CDK5RAP2: variants seen among roughly 807,000 people sequenced by gnomAD.
The protein encoded by CDK5RAP2 is CDK5 regulatory subunit-associated protein 2.
In CDK5RAP2, 147 loss-of-function variants were observed where a neutral mutation model predicts 232.9. The observed-to-expected ratio is 0.63, with a 90% confidence interval of 0.55 to 0.72. The LOEUF is 0.72. Ranked by LOEUF, CDK5RAP2 falls within the 30% of genes least tolerant of loss-of-function variation. CDK5RAP2 has a pLI of 0.00. For missense variants in CDK5RAP2, 2,195 were observed against 2,231.5 expected (o/e 0.98, Z 0.33); for synonymous variants, 833 against 833.7 (o/e 1.00, Z 0.01).
rs770723724 is a variant in CDK5RAP2 at position 120,389,226 on chromosome 9, A to T, written c.*10T>A. ...GGGGAAGCACAAGCTTTATTGGCTG[A>T]AAGTTCTTCTCAGGAGCCTGGTCTG... On this transcript the variant is annotated 3_prime_UTR_variant, in exon 38 of 38. Transcript: ENST00000349780. 6.2e-7 allele frequency: 1 copy of T among 1,610,938 alleles called. No individual in the cohort carries two copies. The highest frequency in any genetic ancestry group is 2.2e-5 in the East Asian group (1 of 44,860).
intron 15 of CDK5RAP2, among the ~76,000 whole-genome samples, chr9:120,473,521 C>T (rs761850102): frequency 5.9e-5 from 9 of 152,324 alleles, no homozygotes; most frequent in African/African-American, 1.2e-4. Context: ...GGACTGCACA[C>T]ATAAATCAAC....
intron 11 of CDK5RAP2, among the ~76,000 whole-genome samples, chr9:120,520,771 C>CAT (rs1244883462): frequency 2.5e-5 from 3 of 119,896 alleles, no homozygotes; most frequent in Non-Finnish European, 5.3e-5. Flanking sequence ...AGATATATCT[C>CAT]AGATATCTCA....
Position 120,527,851 on chromosome 9 carries a change from T to C in CDK5RAP2, c.954A>G (p.Lys318=). Residue 318 remains lysine (K), a synonymous_variant, in exon 10 of 38, where the codon AAA becomes AAG. Transcript: ENST00000349780. ...ATGCCATGGTTAAACCCTGAATGGC[T>C]TTATCCCTCTTTAGACTATTTTTCT... ...TEKKNSLKRD[K]AIQGLTMALK... is the part of the protein sequence containing the mutation. 6.2e-7 allele frequency: 1 copy of C among 1,613,820 alleles called. No individual in the cohort carries two copies.
chr9:120,419,772 A>C lies in CDK5RAP2; in HGVS notation c.4177+16T>G, dbSNP rs374205703. The C allele has an allele frequency of 1.4e-4, 227 of 1,602,396 alleles. 4 individuals are homozygous for C. The highest frequency in any genetic ancestry group is 1.3e-3 in the East Asian group (59 of 44,834). On this transcript the variant is annotated intron_variant, in intron 27 of 37. Coordinates refer to ENST00000349780, the MANE Select transcript of CDK5RAP2 (RefSeq NM_018249.6). Reference sequence around the variant, plus strand: ...AATCAGGCCATGTTTAAAACACTTAATGAGGCTTAGCTTACCTTGAGAAAA... The same window carrying C: ...AATCAGGCCATGTTTAAAACACTTACTGAGGCTTAGCTTACCTTGAGAAAA...
At position 120,446,152 on chromosome 9, in the gene CDK5RAP2, G is replaced by C. The variant is rs114687074; in HGVS notation, c.3025+1743C>G. 5.8e-3 allele frequency among the ~76,000 whole-genome samples: 884 copies of C among 152,236 alleles called. 10 individuals carry two copies. The highest frequency in any genetic ancestry group is 0.02 in the African/African-American group (813 of 41,536). On this transcript the variant is annotated intron_variant, in intron 22 of 37. Transcript: ENST00000349780. ...TGCCATCAAAGCACAAAAGCAAACA[G>C]AGACAATATGCAAACAAATGGGTGT...
intron 12 of CDK5RAP2, among the ~76,000 whole-genome samples, chr9:120,496,530 C>T (rs2039256121): frequency 1.3e-5 from 2 of 149,496 alleles, no homozygotes; most frequent in Non-Finnish European, 3.0e-5. Context: ...GGCCCCCCGC[C>T]CGGCCAGCCG....
At chr9:120,441,949 G>A (rs1463743403) in intron 23 of CDK5RAP2, among the ~76,000 whole-genome samples, 1 of 152,134 alleles carries the variant, frequency 6.6e-6, no homozygotes, top group Non-Finnish European at 1.5e-5. Flanking sequence ...AGAGAAAGAG[G>A]AACTGGGGAG....
intron 23 of CDK5RAP2, among the ~76,000 whole-genome samples, chr9:120,442,466 G>A (rs1564222662): frequency 1.3e-5 from 2 of 152,206 alleles, no homozygotes; most frequent in South Asian, 2.1e-4. Context: ...AGCCTCAGCT[G>A]CGCAACAATT....
chr9:120,524,291 G>A (rs1165868784), intron 11 of CDK5RAP2, among the ~76,000 whole-genome samples: 1 of 152,184 alleles, frequency 6.6e-6, no homozygotes, highest in Non-Finnish European at 1.5e-5. Flanking sequence ...TTTTGGCTCT[G>A]CCACTTGCTA....
intron 12 of CDK5RAP2, among the ~76,000 whole-genome samples, chr9:120,505,331 C>T (rs1048488199): frequency 3.9e-5 from 6 of 152,150 alleles, no homozygotes; most frequent in East Asian, 3.8e-4. Flanking sequence ...CCATATAAGA[C>T]GGCAAACTTA....
chr9:120,399,136 C>CA (rs1384945296), intron 35 of CDK5RAP2, among the ~76,000 whole-genome samples: 2 of 152,276 alleles, frequency 1.3e-5, no homozygotes, highest in South Asian at 2.1e-4. Context: ...AAGGGGTACT[C>CA]AGGAGCACCA....
chr9:120,445,157 A>G (rs569366390), intron 22 of CDK5RAP2, among the ~76,000 whole-genome samples: 2 of 152,328 alleles, frequency 1.3e-5, no homozygotes, highest in South Asian at 2.1e-4. Flanking sequence ...CCCCAAGGAC[A>G]CTGCTTCTCC....
chr9:120,434,173 TA>T (rs1194440278), intron 25 of CDK5RAP2, among the ~76,000 whole-genome samples: 3 of 152,178 alleles, frequency 2.0e-5, no homozygotes, highest in East Asian at 1.9e-4. Context: ...TGCTATTTCA[TA>T]AAGAGCTGTC....
intron 3 of CDK5RAP2, among the ~76,000 whole-genome samples, chr9:120,552,931 G>A (rs918726033): frequency 6.6e-6 from 1 of 151,862 alleles, no homozygotes; most frequent in African/African-American, 2.4e-5. Context: ...AGCAAATACA[G>A]AAAACATTAA....
Position 120,437,381 on chromosome 9 carries a change from A to C in CDK5RAP2, c.3869T>G (p.Val1290Gly), listed in dbSNP as rs776094710. The C allele has an allele frequency of 3.1e-6, 5 of 1,614,068 alleles. No homozygotes were observed. The highest frequency in any genetic ancestry group is 2.7e-5 in the African/African-American group (2 of 74,998). ...GAAACCCTCGGCCACACAGTAATCC[A>C]CATCACTGGCCTGCAGCAACTCCTC... ...AFEELLQASDVDYCVAEGFQE... is the reference protein window; with the variant it reads ...AFEELLQASDGDYCVAEGFQE... Residue 1290 changes from valine to glycine, a missense_variant, in exon 25 of 38, where the codon GTG becomes GGG. Transcript: ENST00000349780.
chr9:120,458,764 G>A, intron 19 of CDK5RAP2, 142 bp from the exon 20 acceptor site: 5 of 747,056 alleles, frequency 6.7e-6, no homozygotes, highest in Non-Finnish European at 9.2e-6. Flanking sequence ...AAAAGAAAAG[G>A]GGGAGGAGAA....
chr9:120,392,995 C>A (rs184406337), intron 36 of CDK5RAP2, among the ~76,000 whole-genome samples: 1 of 152,314 alleles, frequency 6.6e-6, no homozygotes, highest in East Asian at 1.9e-4. Context: ...CTGGTTCCTG[C>A]TTCTCCCTCT....
In CDK5RAP2 at chr9:120,467,869, T is replaced by C; in HGVS notation, c.2097A>G (p.Glu699=). The change falls in exon 18 of 38, where the codon GAA becomes GAG. Residue 699 remains glutamate, a synonymous_variant. Coordinates refer to ENST00000349780, the MANE Select transcript of CDK5RAP2 (RefSeq NM_018249.6). ...CAAAAATGTTTCTTACCTCTGTTTG[T>C]TCTGTAGACGCAAGTCTATCTGGAA... ...NGFPDRLAST[E]QTELLASKED... is the part of the protein sequence containing the mutation. 6.2e-7 allele frequency: 1 copy of C among 1,614,158 alleles called. No homozygotes were observed. The highest frequency in any genetic ancestry group is 1.1e-5 in the South Asian group (1 of 91,076).
chr9:120,400,761 C>A lies in CDK5RAP2; in HGVS notation c.5432G>T (p.Cys1811Phe). 1.9e-6 allele frequency: 3 copies of A among 1,613,870 alleles called. No individual in the cohort carries two copies. The highest frequency in any genetic ancestry group is 2.5e-6 in the Non-Finnish European group (3 of 1,180,030). The change falls in exon 35 of 38, where the codon TGC becomes TTC. Residue 1811 changes from cysteine to phenylalanine, a missense_variant. Physicochemically the swap from Cys to Phe is radical, Grantham distance 205 (BLOSUM62 -2). Coordinates refer to ENST00000349780, the MANE Select transcript of CDK5RAP2 (RefSeq NM_018249.6). ...ACCTACCTGCTCACAGTGAAGGGGG[C>A]ACTGGCCATCCTCGGGGAGTGAGAC... is the stretch of plus-strand genomic sequence containing the variant. ...WRVSLPEDGQ[C>F]PLHCEQIGEM...
Sources: gnomAD v4.1 joint callset for allele counts (sites outside exome capture counted in the v4.1 genomes callset) on GRCh38, gnomAD v4.1.1 for gene constraint, MANE v1.5 for transcripts, NCBI Gene and HGNC (gene_info 2026-07-23, HGNC 2026-07-21) for gene names.